The following CEMIP2 variants were observed in gnomAD, a reference collection of about 807,000 sequenced individuals.
CEMIP2 encodes cell migration inducing hyaluronidase 2.
A neutral mutation model predicts 146.9 loss-of-function variants in CEMIP2; 79 were observed. The ratio of observed to expected loss-of-function variants is 0.54; its 90% CI spans 0.45 to 0.65. The LOEUF is 0.65. Ranked by LOEUF, CEMIP2 falls within the 30% of genes least tolerant of loss-of-function variation. CEMIP2 has a pLI of 0.00. For synonymous variants in CEMIP2, 601 were observed against 606.3 expected, an observed-to-expected ratio of 0.99 and a Z score of 0.13; for missense variants, 1,596 against 1,696.2, an observed-to-expected ratio of 0.94 and a Z score of 1.04.
chr9:71,760,264 G>A (rs1824590970), intron 1 of CEMIP2, among the ~76,000 whole-genome samples: 1 of 152,196 alleles, frequency 6.6e-6, no homozygotes, highest in Admixed American at 6.6e-5. Flanking sequence ...AAGGAATTCA[G>A]ATGAGCAACT....
intron 14 of CEMIP2, 126 bp from the exon 15 acceptor site, chr9:71,715,215 A>T: frequency 2.4e-6 from 2 of 842,208 alleles, no homozygotes; most frequent in Non-Finnish European, 3.4e-6. Flanking sequence ...TCTAATACAC[A>T]TTCACAAGTC....
chr9:71,719,904 C>T (rs1158528114), intron 12 of CEMIP2, among the ~76,000 whole-genome samples: 1 of 143,716 alleles, frequency 7.0e-6, no homozygotes, highest in African/African-American at 2.5e-5. Flanking sequence ...GTAACCATCT[C>T]AACTTCTCTG....
At chr9:71,693,029 T>G (rs932155810) in intron 21 of CEMIP2, among the ~76,000 whole-genome samples, 3 of 152,174 alleles carry the variant, frequency 2.0e-5, no homozygotes, top group African/African-American at 7.2e-5. Context: ...TGGATGGTAG[T>G]GATGGTTGTA....
intron 2 of CEMIP2, 94 bp downstream of exon 2, chr9:71,749,949 G>T: frequency 8.9e-7 from 1 of 1,120,490 alleles, no homozygotes; most frequent in Non-Finnish European, 1.2e-6. Context: ...AGTTAGCTAG[G>T]GCCAACTTAA....
At chr9:71,737,084 A>AGGT (rs1469820469) in intron 5 of CEMIP2, among the ~76,000 whole-genome samples, 4 of 148,710 alleles carry the variant, frequency 2.7e-5, no homozygotes, top group African/African-American at 1.0e-4. Flanking sequence ...TAAGCCCAGG[A>AGGT]GGTCAAGGCT....
Position 71,684,370 on chromosome 9 carries a change from T to C in CEMIP2, c.*827A>G, listed in dbSNP as rs892706924. 1 of 152,586 alleles carries C rather than the reference T, an allele frequency of 6.6e-6. No individual in the cohort carries two copies. The highest frequency in any genetic ancestry group is 1.5e-5 in the Non-Finnish European group (1 of 68,044). The allele number at this position is 152,586 out of a possible 1,614,324, so 9.5% of individuals were successfully genotyped here. A position where few individuals can be genotyped will look rare whatever the true frequency, so the allele number is the denominator to read the frequency against. The stretch of plus-strand genomic sequence containing the variant: ...AAGTTTACGGTTCAGGAAAACAACC[T>C]ACTTCTTAAAACAAAACAAAACAAA... On this transcript the variant is annotated 3_prime_UTR_variant, in exon 24 of 24. Transcript: ENST00000377044.
intron 5 of CEMIP2, among the ~76,000 whole-genome samples, chr9:71,738,024 C>T (rs191053089): frequency 6.6e-6 from 1 of 151,902 alleles, no homozygotes; most frequent in East Asian, 1.9e-4. Flanking sequence ...TATGGTAGAG[C>T]CCCCAATTTA....
chr9:71,685,198 T>TA lies in CEMIP2; in HGVS notation c.4150dup (p.Ter1384LeufsTer15), dbSNP rs1822016874. On this transcript the variant is annotated frameshift_variant and stop_lost, in exon 24 of 24. Transcript: ENST00000377044. LOFTEE classifies it high-confidence loss of function. ...CAGCACTTAAGTTACAGTTAGTCTC[T>TA]AATGTGCTTTTGAAGCTTGCTTTAG... 36 of 1,605,706 alleles carry TA rather than the reference T, an allele frequency of 2.2e-5. No individual in the cohort carries two copies. The highest frequency in any genetic ancestry group is 3.1e-5 in the Non-Finnish European group (36 of 1,176,834).
chr9:71,692,949 G>C (rs907846151), intron 21 of CEMIP2, among the ~76,000 whole-genome samples: 1 of 112,214 alleles, frequency 8.9e-6, no homozygotes, highest in African/African-American at 4.8e-5. Flanking sequence ...AAAACCAAGA[G>C]TCTTTGAGCT....
rs528692630 is a variant in CEMIP2 at position 71,734,992 on chromosome 9, C to T, written c.1207G>A (p.Val403Ile). The change falls in exon 6 of 24, where the codon GTT becomes ATT. Residue 403 changes from valine (V) to isoleucine (I), a missense_variant and splice_region_variant. Physicochemically the swap from Val to Ile is conservative, Grantham distance 29. Coordinates refer to ENST00000377044, the MANE Select transcript of CEMIP2 (RefSeq NM_013390.3). ...TCTACCCGGAATCCTGAAAGAGAAA[C>T]GCCTAAACCAAAAAAAAAAAAAAGA... ...VTAYSEWIEG[V>I]SLSGFRVEVV... 72 of 1,549,982 alleles carry T rather than the reference C, an allele frequency of 4.6e-5. No homozygotes were observed. Among genetic ancestry groups the T allele is most frequent in the Admixed American group, 8.5e-5 (4 of 46,974 alleles).
intron 5 of CEMIP2, among the ~76,000 whole-genome samples, chr9:71,737,156 A>C (rs1823783460): frequency 8.0e-5 from 2 of 24,898 alleles, no homozygotes; most frequent in Admixed American, 5.8e-4. Flanking sequence ...GATCTTTCTC[A>C]AAAAAAAAAA....
chr9:71,694,521 C>T lies in CEMIP2; in HGVS notation c.3684G>A (p.Pro1228=), dbSNP rs139406317. ...AGATGGTACTTACAGAAATAACAGA[C>T]GGGTCTCCACGCTGGGTTTCTGCTT... ...PDKAETQRGD[P]SVISVNGTDF... Residue 1228 remains proline (P), a synonymous_variant, in exon 21 of 24, where the codon CCG becomes CCA. Transcript: ENST00000377044. 64 of 1,613,014 alleles carry T rather than the reference C, an allele frequency of 4.0e-5. No homozygotes were observed. The highest frequency in any genetic ancestry group is 1.7e-4 in the Admixed American group (10 of 59,966).
At chr9:71,746,755 T>C (rs1478448689) in intron 2 of CEMIP2, among the ~76,000 whole-genome samples, 1 of 152,032 alleles carries the variant, frequency 6.6e-6, no homozygotes, top group African/African-American at 2.4e-5. Context: ...AAAATGAAAA[T>C]TGCTAAATAA....
At chr9:71,725,981 C>T (rs189135761) in intron 10 of CEMIP2, among the ~76,000 whole-genome samples, 82 of 152,248 alleles carry the variant, frequency 5.4e-4, no homozygotes, top group Non-Finnish European at 1.1e-3. Context: ...AAAACTTTTC[C>T]ATCATTATCT....
In CEMIP2 at chr9:71,730,829, T is replaced by C; in HGVS notation, c.1649A>G (p.His550Arg). The change falls in exon 8 of 24, where the codon CAT (histidine) becomes CGT (arginine). Residue 550 changes from histidine to arginine, a missense_variant. Coordinates refer to ENST00000377044, the MANE Select transcript of CEMIP2 (RefSeq NM_013390.3). ...ATCCACGTCACCACACAGGTGAAAATGAACAGGGTATCGCCCCATCTGCTG... is the reference window on the plus strand; with the variant it reads ...ATCCACGTCACCACACAGGTGAAAACGAACAGGGTATCGCCCCATCTGCTG... ...GQQQMGRYPV[H>R]FHLCGDVDYK... is the part of the protein sequence containing the mutation. The C allele has an allele frequency of 6.2e-7, 1 of 1,614,140 alleles. No homozygotes were observed.
intron 7 of CEMIP2, 121 bp from the exon 8 acceptor site, chr9:71,731,035 G>T (rs1381911430): frequency 1.2e-6 from 1 of 802,464 alleles, no homozygotes; most frequent in Non-Finnish European, 2.0e-6. Flanking sequence ...ATTTTCTTTT[G>T]CATCCTGTTT....
At chr9:71,753,440 C>T (rs1204890317) in intron 1 of CEMIP2, among the ~76,000 whole-genome samples, 1 of 152,160 alleles carries the variant, frequency 6.6e-6, no homozygotes, top group African/African-American at 2.4e-5. Context: ...GCATCTGTCA[C>T]AAACTAAAGG....
intron 15 of CEMIP2, among the ~76,000 whole-genome samples, chr9:71,714,085 T>G (rs944773701): frequency 1.3e-5 from 2 of 152,158 alleles, no homozygotes; most frequent in South Asian, 4.1e-4. Context: ...GTCCTCACTC[T>G]GCGCCACCAC....
In CEMIP2 at chr9:71,718,045, G is replaced by A. The variant is rs1466333867; in HGVS notation, c.2302C>T (p.Pro768Ser). ...CTGTCAATTAGAGCAGCAACACGTG[G>A]TTTTTCGGGGTTTGCATCCTGATGA... ...RPHQDANPEK[P>S]RVAALIDRLI... Residue 768 changes from proline (P) to serine (S), a missense_variant, in exon 13 of 24, where the codon CCA becomes TCA. Physicochemically the swap from Pro to Ser is moderately conservative, Grantham distance 74 (BLOSUM62 -1). Transcript: ENST00000377044. The A allele has an allele frequency of 1.9e-6, 3 of 1,612,630 alleles. No homozygotes were observed. Among genetic ancestry groups the A allele is most frequent in the Non-Finnish European group, 2.5e-6 (3 of 1,179,222 alleles).
Sources: allele counts gnomAD v4.1 joint callset (sites outside exome capture counted in the v4.1 genomes callset), GRCh38; gene constraint gnomAD v4.1.1; transcripts MANE v1.5; gene names NCBI Gene and HGNC (gene_info 2026-07-23, HGNC 2026-07-21).